Variants in HS1BP3 observed in about 807,000 individuals in gnomAD.
HS1BP3 encodes the protein HCLS1 binding protein 3, also known as HCLS1-binding protein 3.
HS1BP3 carries 32 observed loss-of-function variants against 33.5 expected under a neutral mutation model. That is an observed-to-expected ratio of 0.95 (90% CI 0.72 to 1.28). The LOEUF (loss-of-function observed/expected upper bound fraction) is 1.28, where lower values mean the gene tolerates loss of function less well. HS1BP3 is among the 50% of genes most tolerant of loss of function. The probability of loss-of-function intolerance (pLI) is 0.00; values close to 1 mark genes in which losing one functional copy is unlikely to be tolerated. For missense variants in HS1BP3, 486 were observed against 502.3 expected (o/e 0.97, Z 0.31); for synonymous variants, 187 against 209.2 (o/e 0.89, Z 0.92).
chr2:20,628,929 G>A lies in HS1BP3; in HGVS notation c.624-4037C>T, dbSNP rs542032242. On this transcript the variant is annotated intron_variant, in intron 4 of 6. Coordinates refer to ENST00000304031, the MANE Select transcript of HS1BP3 (RefSeq NM_022460.4). ...TTTGCAGCAGACGTAGTGCCATGAGGGAACAGGCTGAGAGTCAGTTCTTTC... is the reference window on the plus strand; with the variant it reads ...TTTGCAGCAGACGTAGTGCCATGAGAGAACAGGCTGAGAGTCAGTTCTTTC... Among the ~76,000 whole-genome samples, 8 of 152,282 alleles carry A rather than the reference G, an allele frequency of 5.3e-5. No individual in the cohort carries two copies. In the East Asian group the frequency reaches 1.5e-3, roughly 29 times the overall value.
chr2:20,607,430 A>G (rs748138448), intron 2 of HS1BP3, among the ~76,000 whole-genome samples: 2 of 152,224 alleles, frequency 1.3e-5, no homozygotes, highest in African/African-American at 2.4e-5. Flanking sequence ...TGCTGGGATT[A>G]CAGGCATGAG....
chr2:20,582,952 C>T (rs1222271595), intron 5 of HS1BP3, among the ~76,000 whole-genome samples: 3 of 152,224 alleles, frequency 2.0e-5, no homozygotes, highest in East Asian at 3.9e-4. Context: ...CAACCCTCTG[C>T]CACTTACCAG....
At chr2:20,598,857 C>T (rs1694007839) in intron 2 of HS1BP3, among the ~76,000 whole-genome samples, 1 of 152,202 alleles carries the variant, frequency 6.6e-6, no homozygotes, top group South Asian at 2.1e-4. Flanking sequence ...CGCGCCCGGC[C>T]GGTACTTCTT....
At chr2:20,591,389 C>G (rs924371056), downstream of HS1BP3, 2 of 157,516 alleles carry the variant, frequency 1.3e-5, no homozygotes, top group African/African-American at 4.8e-5. Context: ...ACCACCAGAC[C>G]ACAAAAAGCC....
At chr2:20,641,315 C>T in intron 2 of HS1BP3, 135 bp from the exon 3 acceptor site, 1 of 712,738 alleles carries the variant, frequency 1.4e-6, no homozygotes, top group Non-Finnish European at 2.4e-6. Flanking sequence ...GCCCCTCTGC[C>T]TGTCTCCCAG....
Position 20,618,748 on chromosome 2 carries a change from T to A in HS1BP3, c.*239A>T. On this transcript the variant is annotated 3_prime_UTR_variant, in exon 7 of 7. Coordinates refer to ENST00000304031, the MANE Select transcript of HS1BP3 (RefSeq NM_022460.4). ...CCCTCCCCTTCATGTCCACGGGGAA[T>A]AAGACACATTGGGCTCTGGCTCCTA... 1.5e-6 allele frequency: 2 copies of A among 1,332,788 alleles called. No homozygotes were observed. The highest frequency in any genetic ancestry group is 9.6e-7 in the Non-Finnish European group (1 of 1,044,032). The allele number at this position is 1,332,788 out of a possible 1,614,324, so 82.6% of individuals were successfully genotyped here. A position where few individuals can be genotyped will look rare whatever the true frequency, so the allele number is the denominator to read the frequency against.
intron 5 of HS1BP3, among the ~76,000 whole-genome samples, chr2:20,574,437 G>A (rs1417093666): frequency 6.6e-6 from 1 of 152,220 alleles, no homozygotes; most frequent in Non-Finnish European, 1.5e-5. Flanking sequence ...CTTTCTGCAA[G>A]TGTCTTATCC....
At chr2:20,565,174 G>A (rs1233886851) in intron 5 of HS1BP3, among the ~76,000 whole-genome samples, 1 of 152,154 alleles carries the variant, frequency 6.6e-6, no homozygotes, top group African/African-American at 2.4e-5. Flanking sequence ...CTAAGACTAG[G>A]AGGCCCAGAG....
At chr2:20,575,243 G>C (rs80314466) in intron 5 of HS1BP3, among the ~76,000 whole-genome samples, 1 of 152,154 alleles carries the variant, frequency 6.6e-6, no homozygotes, top group Admixed American at 6.5e-5. Context: ...TCTAGGCCTC[G>C]TTCCAAGGGT....
chr2:20,570,128 G>A lies in HS1BP3; in HGVS notation c.303-9613C>T, dbSNP rs1693230407. On this transcript the variant is annotated intron_variant, in intron 5 of 5. Coordinates refer to the HS1BP3 transcript ENST00000446825. The stretch of plus-strand genomic sequence containing the variant: ...ATTCCAGGGCTTTTGACACCCCAGA[G>A]ACTACTCCTCTCATCCTCAGCACCC... Among the ~76,000 whole-genome samples, 6 of 152,232 alleles carry A rather than the reference G, an allele frequency of 3.9e-5. No homozygotes were observed. The South Asian group carries it at 1.2e-3, about 32-fold the overall frequency.
At chr2:20,556,514 G>C (rs929866448), downstream of HS1BP3, among the ~76,000 whole-genome samples, 2 of 152,072 alleles carry the variant, frequency 1.3e-5, no homozygotes, top group Non-Finnish European at 2.9e-5. Context: ...TATGATCAAG[G>C]TTACCGCATT....
intron 5 of HS1BP3, among the ~76,000 whole-genome samples, chr2:20,572,888 T>C (rs62124221): frequency 0.015 from 2,350 of 152,254 alleles, 44 homozygotes; most frequent in Middle Eastern, 0.061. Context: ...CCAAGCCCCA[T>C]GGGAGCAGAG....
intron 4 of HS1BP3, among the ~76,000 whole-genome samples, chr2:20,627,896 A>G (rs1309663748): frequency 2.0e-5 from 3 of 152,138 alleles, no homozygotes; most frequent in Non-Finnish European, 4.4e-5. Context: ...ACTCTGGATG[A>G]GAGGATGCGC....
At chr2:20,650,702 T>C (rs979734779) in intron 1 of HS1BP3, among the ~76,000 whole-genome samples, 1 of 152,178 alleles carries the variant, frequency 6.6e-6, no homozygotes, top group African/African-American at 2.4e-5. Context: ...AACTAGATTT[T>C]CGGGCTCAAA....
At chr2:20,556,116 T>TTCTA (rs1385816408), downstream of HS1BP3, among the ~76,000 whole-genome samples, 2 of 152,262 alleles carry the variant, frequency 1.3e-5, no homozygotes, top group African/African-American at 2.4e-5. Flanking sequence ...TCTATTTCTA[T>TTCTA]TCTAGTACCA....
chr2:20,571,822 G>C (rs1328665405), intron 5 of HS1BP3, among the ~76,000 whole-genome samples: 1 of 152,232 alleles, frequency 6.6e-6, no homozygotes, highest in African/African-American at 2.4e-5. Flanking sequence ...AGTAGAGCCT[G>C]GTATCTCCCC....
chr2:20,581,290 G>T (rs2149275740), intron 5 of HS1BP3, among the ~76,000 whole-genome samples: 1 of 152,292 alleles, frequency 6.6e-6, no homozygotes, highest in Admixed American at 6.5e-5. Context: ...GTGTTCTATT[G>T]TTACATTAAA....
At chr2:20,585,094 G>A (rs1232632101) in intron 5 of HS1BP3, among the ~76,000 whole-genome samples, 5 of 152,308 alleles carry the variant, frequency 3.3e-5, no homozygotes, top group South Asian at 2.1e-4. Flanking sequence ...AGGGCACAGC[G>A]TGGCGAGGCT....
rs1460649097 is a variant in HS1BP3, at chr2:20,576,067, C to T, written c.303-15552G>A. On this transcript the variant is annotated intron_variant, in intron 5 of 5. Transcript: ENST00000446825. The stretch of plus-strand genomic sequence containing the variant: ...GCAGTGGCATGACCGCAGCTCACTG[C>T]AACCTCAATCTCCCGATCCTCCTGT... Among the ~76,000 whole-genome samples the T allele has an allele frequency of 5.9e-5, 9 of 152,148 alleles. No individual in the cohort carries two copies. The East Asian group carries it at 1.7e-3, about 29-fold the overall frequency.
Sources: gnomAD v4.1 joint callset for allele counts (sites outside exome capture counted in the v4.1 genomes callset) on GRCh38, gnomAD v4.1.1 for gene constraint, MANE v1.5 for transcripts, NCBI Gene and HGNC (gene_info 2026-07-23, HGNC 2026-07-21) for gene names.